RUSF1: variants seen among roughly 807,000 people sequenced by gnomAD.
RUSF1 encodes RUS1 family protein C16orf58.
RUSF1 carries 58 observed loss-of-function variants against 63.0 expected under a neutral mutation model. The ratio of observed to expected loss-of-function variants is 0.92; its 90% confidence interval spans 0.75 to 1.15. The LOEUF (loss-of-function observed/expected upper bound fraction) is 1.15. Among genes scored for constraint, RUSF1 ranks in the 50% most tolerant of loss-of-function variants. The probability of loss-of-function intolerance (pLI) is 0.00; values close to 1 mark genes in which losing one functional copy is unlikely to be tolerated. For missense variants in RUSF1, 652 were observed against 611.0 expected (o/e 1.07, Z -0.71); for synonymous variants, 274 against 255.8 (o/e 1.07, Z -0.68).
intron 2 of RUSF1, among the ~76,000 whole-genome samples, chr16:31,501,654 C>A (rs1350532281): frequency 6.6e-6 from 1 of 150,902 alleles, no homozygotes; most frequent in Non-Finnish European, 1.5e-5. Context: ...GAGGGACAGG[C>A]CTCCTTAGGC....
In RUSF1 at chr16:31,506,520, G is replaced by A. The variant is rs1028906558; in HGVS notation, c.415+1244C>T. Among the ~76,000 whole-genome samples the A allele has an allele frequency of 3.3e-5, 5 of 152,156 alleles. No homozygotes were observed. In the South Asian group the frequency reaches 6.2e-4, roughly 19 times the overall value. On this transcript the variant is annotated intron_variant, in intron 2 of 12. Transcript: ENST00000327237. ...CAACAAGCCGGGCGCAGTGGCTCAC[G>A]CCTATAATCCCAGCACTTTGGGAAG...
At position 31,489,727 on chromosome 16, in the gene RUSF1, G is replaced by T; in HGVS notation, c.*1108C>A. Reference sequence around the variant, plus strand: ...AGGGTGGGGTGAGGACAGGACAAGAGATCTGGGTGTGGAAGGATGGCCGGG... The same window carrying T: ...AGGGTGGGGTGAGGACAGGACAAGATATCTGGGTGTGGAAGGATGGCCGGG... On this transcript the variant is annotated 3_prime_UTR_variant, in exon 13 of 13. Coordinates refer to ENST00000327237, the MANE Select transcript of RUSF1 (RefSeq NM_022744.4). 2.2e-6 allele frequency: 1 copy of T among 447,848 alleles called. No homozygotes were observed. Among genetic ancestry groups the T allele is most frequent in the South Asian group, 2.1e-5 (1 of 47,802 alleles). The allele number at this position is 447,848 out of a possible 1,614,324, so 27.7% of individuals were successfully genotyped here.
Position 31,491,352 on chromosome 16 carries a change from C to A in RUSF1, c.1310-420G>T, listed in dbSNP as rs544788320. Among the ~76,000 whole-genome samples the A allele has an allele frequency of 6.6e-5, 10 of 150,742 alleles. No homozygotes were observed. The South Asian group carries it at 1.0e-3, about 16-fold the overall frequency. ...CTTTTTTTTTTTTTTGAGATGGGGT[C>A]TCTGTCACCCAGGCTGGGGTACAGT... is the stretch of plus-strand genomic sequence containing the variant. On this transcript the variant is annotated intron_variant, in intron 12 of 12. Transcript: ENST00000327237.
intron 2 of RUSF1, among the ~76,000 whole-genome samples, chr16:31,504,921 G>A (rs2082650500): frequency 1.3e-5 from 2 of 152,298 alleles, no homozygotes; most frequent in African/African-American, 4.8e-5. Flanking sequence ...ATGTTTACAG[G>A]CAGTATGCTT....
At chr16:31,496,828 C>A in intron 6 of RUSF1, 21 bp downstream of exon 6, 2 of 1,546,684 alleles carry the variant, frequency 1.3e-6, no homozygotes, top group East Asian at 2.4e-5. Context: ...TCCACGCCCT[C>A]CCTCCAGCTC....
Position 31,499,302 on chromosome 16 carries a change from C to G in RUSF1, c.600G>C (p.Lys200Asn). 1 of 1,613,054 alleles carries G rather than the reference C, an allele frequency of 6.2e-7. No individual in the cohort carries two copies. Among genetic ancestry groups the G allele is most frequent in the Non-Finnish European group, 8.5e-7 (1 of 1,179,096 alleles). ...GATGGGTGCCCCCACAGGCAGCTACCTTGGCTAGGTTGCTGGTGGAGACGG... is the reference window on the plus strand; with the variant it reads ...GATGGGTGCCCCCACAGGCAGCTACGTTGGCTAGGTTGCTGGTGGAGACGG... ...TMTVSTSNLAKCIVSVAGGAT... is the reference protein window; with the variant it reads ...TMTVSTSNLANCIVSVAGGAT... The change falls in exon 5 of 13, where the codon AAG becomes AAC. Residue 200 changes from lysine (K) to asparagine (N), a missense_variant and splice_region_variant. Coordinates refer to ENST00000327237, the MANE Select transcript of RUSF1 (RefSeq NM_022744.4).
intron 2 of RUSF1, among the ~76,000 whole-genome samples, chr16:31,501,278 T>C (rs1479543437): frequency 6.6e-6 from 1 of 151,786 alleles, no homozygotes; most frequent in Non-Finnish European, 1.5e-5. Flanking sequence ...AGATGGCTAT[T>C]ATGGGATAAA....
At position 31,490,003 on chromosome 16, in the gene RUSF1, G is replaced by C. The variant is rs1331136917; in HGVS notation, c.*832C>G. 13 of 1,499,886 alleles carry C rather than the reference G, an allele frequency of 8.7e-6. No homozygotes were observed. Among genetic ancestry groups the C allele is most frequent in the Middle Eastern group, 2.3e-4 (1 of 4,350 alleles). The allele number at this position is 1,499,886 out of a possible 1,614,324, so 92.9% of individuals were successfully genotyped here. A position where few individuals can be genotyped will look rare whatever the true frequency, so the allele number is the denominator to read the frequency against. On this transcript the variant is annotated 3_prime_UTR_variant, in exon 13 of 13. Coordinates refer to ENST00000327237, the MANE Select transcript of RUSF1 (RefSeq NM_022744.4). ...GGGCTGGGTGTGTAGACTGGACAGA[G>C]GTGGGTAGGGCAGGCAGTGACGAGC...
At chr16:31,500,954 C>T (rs916874947) in intron 2 of RUSF1, among the ~76,000 whole-genome samples, 5 of 152,154 alleles carry the variant, frequency 3.3e-5, no homozygotes, top group African/African-American at 1.2e-4. Flanking sequence ...AAGAAATGTT[C>T]TTTGCAGAAT....
intron 2 of RUSF1, among the ~76,000 whole-genome samples, chr16:31,501,250 G>C (rs1567398400): frequency 6.6e-6 from 1 of 152,186 alleles, no homozygotes; most frequent in Non-Finnish European, 1.5e-5. Flanking sequence ...TAGCTCTTAG[G>C]CTGGGCAGTT....
Position 31,489,844 on chromosome 16 carries a change from T to A in RUSF1, c.*991A>T. 1 of 505,678 alleles carries A rather than the reference T, an allele frequency of 2.0e-6. No individual in the cohort carries two copies. The highest frequency in any genetic ancestry group is 3.6e-6 in the Non-Finnish European group (1 of 275,860). 31.3% of individuals were successfully genotyped at this position (505,678 alleles called of 1,614,324 possible). ...GGCCAGTGTCACAAGCGCTACCATC[T>A]GGGTGTAGACAGACCTGAGCTGACA... On this transcript the variant is annotated 3_prime_UTR_variant, in exon 13 of 13. Transcript: ENST00000327237.
intron 2 of RUSF1, among the ~76,000 whole-genome samples, chr16:31,502,616 A>G (rs1353335079): frequency 6.6e-6 from 1 of 152,248 alleles, no homozygotes; most frequent in African/African-American, 2.4e-5. Context: ...ACTGAAGGAA[A>G]GCATGGGTCC....
chr16:31,499,476 TCCCCGC>T lies in RUSF1; in HGVS notation c.494+11_494+16del. On this transcript the variant is annotated intron_variant, in intron 4 of 12. Coordinates refer to ENST00000327237, the MANE Select transcript of RUSF1 (RefSeq NM_022744.4). ...CATAATGGAAGACTCCCCTCCCCCGTCCCCGCCCCTCCTCACCTCCACTGCTTGGCA... is the reference window on the plus strand; with the variant it reads ...CATAATGGAAGACTCCCCTCCCCCGTCCCTCCTCACCTCCACTGCTTGGCA... 6.7e-7 allele frequency: 1 copy of T among 1,487,712 alleles called. No individual in the cohort carries two copies. Among genetic ancestry groups the T allele is most frequent in the Non-Finnish European group, 9.3e-7 (1 of 1,071,676 alleles). The allele number at this position is 1,487,712 out of a possible 1,614,324, so 92.2% of individuals were successfully genotyped here.
intron 10 of RUSF1, among the ~76,000 whole-genome samples, chr16:31,492,661 C>G (rs2082578152): frequency 6.6e-6 from 1 of 152,200 alleles, no homozygotes; most frequent in South Asian, 2.1e-4. Context: ...AGAGGCAACC[C>G]AGGATGGAGA....
chr16:31,490,438 A>T lies in RUSF1; in HGVS notation c.*397T>A. 1 of 1,613,878 alleles carries T rather than the reference A, an allele frequency of 6.2e-7. No individual in the cohort carries two copies. The highest frequency in any genetic ancestry group is 1.1e-5 in the South Asian group (1 of 91,020). On this transcript the variant is annotated 3_prime_UTR_variant, in exon 13 of 13. Transcript: ENST00000327237. ...GCAGCGGCAGCAGCCAGGCGGCTGG[A>T]GGACATCAGCGAGGACCCGAGCTGG...
rs535031004 is a variant in RUSF1 at position 31,490,393 on chromosome 16, C to T, written c.*442G>A. The stretch of plus-strand genomic sequence containing the variant: ...AGCAGAGGTGGGGTGGGCAGTCCTC[C>T]GCCCCTTACCCAGGAGGAGGCAGCG... On this transcript the variant is annotated 3_prime_UTR_variant, in exon 13 of 13. Coordinates refer to ENST00000327237, the MANE Select transcript of RUSF1 (RefSeq NM_022744.4). 53 of 1,613,218 alleles carry T rather than the reference C, an allele frequency of 3.3e-5. No individual in the cohort carries two copies. The highest frequency in any genetic ancestry group is 4.2e-5 in the Non-Finnish European group (50 of 1,179,786).
At chr16:31,498,819 T>G (rs758986458) in intron 5 of RUSF1, among the ~76,000 whole-genome samples, 31 of 152,204 alleles carry the variant, frequency 2.0e-4, no homozygotes, top group Non-Finnish European at 3.8e-4. Flanking sequence ...GAGCTCTTCC[T>G]ACACTCCCTG....
chr16:31,492,448 G>A (rs1430791052), intron 10 of RUSF1, 108 bp from the exon 11 acceptor site: 13 of 1,297,456 alleles, frequency 1.0e-5, no homozygotes, highest in Middle Eastern at 2.4e-4. Context: ...GGCCTGGCAC[G>A]GAAGGCTAGC....
At chr16:31,492,629 C>T (rs1250057965) in intron 10 of RUSF1, among the ~76,000 whole-genome samples, 1 of 152,198 alleles carries the variant, frequency 6.6e-6, no homozygotes, top group African/African-American at 2.4e-5. Context: ...CGGACCAGCA[C>T]ACTCAAGGAC....
Sources: gnomAD v4.1 joint callset for allele counts (sites outside exome capture counted in the v4.1 genomes callset) on GRCh38, gnomAD v4.1.1 for gene constraint, MANE v1.5 for transcripts, NCBI Gene and HGNC (gene_info 2026-07-23, HGNC 2026-07-21) for gene names.